The following DNAH11 variants were observed in gnomAD, a reference collection of about 807,000 sequenced individuals.
DNAH11 encodes the protein axonemal beta dynein heavy chain 11.
A neutral mutation model predicts 526.0 loss-of-function variants in DNAH11; 442 were observed. The observed-to-expected ratio is 0.84, with a 90% confidence interval of 0.78 to 0.91. The LOEUF (loss-of-function observed/expected upper bound fraction) is 0.91, where lower values mean the gene tolerates loss of function less well. Ranked by LOEUF, DNAH11 falls within the 40% of genes least tolerant of loss-of-function variation. The pLI is 0.00. For synonymous variants in DNAH11, 2,461 were observed against 1,935.9 expected (o/e 1.27, Z -7.12); for missense variants, 6,989 against 5,448.7 (o/e 1.28, Z -8.90).
At chr7:21,797,545 A>G (rs536426898) in intron 61 of DNAH11, among the ~76,000 whole-genome samples, 2 of 148,774 alleles carry the variant, frequency 1.3e-5, no homozygotes, top group Admixed American at 1.3e-4. Context: ...TAGTACATGT[A>G]CAGTTTACAT....
chr7:21,895,093 A>T, intron 79 of DNAH11, 94 bp downstream of exon 79: 1 of 1,045,660 alleles, frequency 9.6e-7, no homozygotes, highest in East Asian at 2.4e-5. Flanking sequence ...ATGCAGACGG[A>T]GCTTTGTGAC....
chr7:21,798,820 T>G (rs1788834018), intron 61 of DNAH11, among the ~76,000 whole-genome samples: 1 of 152,246 alleles, frequency 6.6e-6, no homozygotes, highest in Non-Finnish European at 1.5e-5. Flanking sequence ...AAATTAGGTT[T>G]GCAAAAATCT....
At chr7:21,645,252 C>T (rs1050688540) in intron 28 of DNAH11, among the ~76,000 whole-genome samples, 3 of 152,200 alleles carry the variant, frequency 2.0e-5, no homozygotes, top group African/African-American at 4.8e-5. Context: ...GAAGGTTGTT[C>T]AGTTCCAGCT....
chr7:21,655,420 G>T (rs915829881), intron 28 of DNAH11, among the ~76,000 whole-genome samples: 15 of 152,080 alleles, frequency 9.9e-5, no homozygotes, highest in Admixed American at 3.3e-4. Context: ...CTTTCTAATT[G>T]ACATTTTTCA....
chr7:21,571,768 A>G, intron 7 of DNAH11, 38 bp from the exon 8 acceptor site: 1 of 1,507,724 alleles, frequency 6.6e-7, no homozygotes. Context: ...TTTGCTGCTC[A>G]ATGTAGTGGA....
intron 65 of DNAH11, among the ~76,000 whole-genome samples, chr7:21,839,866 G>C (rs547769571): frequency 1.1e-3 from 161 of 152,308 alleles, no homozygotes; most frequent in Non-Finnish European, 1.3e-3. Context: ...AACAACATTT[G>C]AGAATTAGAT....
intron 30 of DNAH11, among the ~76,000 whole-genome samples, chr7:21,679,192 A>AT (rs1342032725): frequency 1.3e-5 from 2 of 152,196 alleles, no homozygotes; most frequent in Non-Finnish European, 2.9e-5. Context: ...AAAAAAAAAA[A>AT]GTCTAACACA....
At position 21,681,566 on chromosome 7, in the gene DNAH11, G is replaced by T. The variant is rs763225721; in HGVS notation, c.5349G>T (p.Leu1783=). The change falls in exon 31 of 82, where the codon CTG becomes CTT. Residue 1783 remains leucine, a synonymous_variant. Coordinates refer to ENST00000409508, the MANE Select transcript of DNAH11 (RefSeq NM_001277115.2). ...TCTAGATTTCTCAGCTGAATACACTGATTACACTTTTGCTGGGAGAACTTC... is the reference window on the plus strand; with the variant it reads ...TCTAGATTTCTCAGCTGAATACACTTATTACACTTTTGCTGGGAGAACTTC... The part of the protein sequence containing the change: ...HKKQISQLNT[L]ITLLLGELPP... 16 of 1,613,710 alleles carry T rather than the reference G, an allele frequency of 9.9e-6. No homozygotes were observed. In the Admixed American group the frequency reaches 2.5e-4, roughly 25 times the overall value.
At chr7:21,823,855 G>T (rs1275088756) in intron 65 of DNAH11, among the ~76,000 whole-genome samples, 1 of 152,128 alleles carries the variant, frequency 6.6e-6, no homozygotes, top group Admixed American at 6.5e-5. Context: ...TAAAAAGCAG[G>T]AACTCCGAGA....
intron 63 of DNAH11, among the ~76,000 whole-genome samples, chr7:21,811,725 G>A (rs1158520920): frequency 1.3e-5 from 2 of 152,174 alleles, no homozygotes; most frequent in East Asian, 1.9e-4. Flanking sequence ...CAAATTTTAT[G>A]TTAAGTATAT....
At chr7:21,880,154 CA>C (rs963887949) in intron 74 of DNAH11, among the ~76,000 whole-genome samples, 2 of 151,434 alleles carry the variant, frequency 1.3e-5, no homozygotes, top group South Asian at 2.1e-4. Flanking sequence ...ATTTCATTTT[CA>C]GCAAATGACC....
intron 25 of DNAH11, among the ~76,000 whole-genome samples, chr7:21,630,432 T>A (rs938534389): frequency 6.6e-6 from 1 of 152,238 alleles, no homozygotes; most frequent in African/African-American, 2.4e-5. Flanking sequence ...TTAAATACAT[T>A]GTTTAATGTC....
intron 57 of DNAH11, among the ~76,000 whole-genome samples, chr7:21,782,816 A>G (rs1788005911): frequency 6.6e-6 from 1 of 151,970 alleles, no homozygotes; most frequent in African/African-American, 2.4e-5. Context: ...AGGCTGAGGC[A>G]GGAGAATTGC....
intron 18 of DNAH11, among the ~76,000 whole-genome samples, chr7:21,603,852 A>T (rs374037150): frequency 1.3e-5 from 2 of 152,322 alleles, no homozygotes; most frequent in East Asian, 1.9e-4. Context: ...AGGGAAATTT[A>T]GATATGGCCT....
intron 61 of DNAH11, among the ~76,000 whole-genome samples, chr7:21,793,283 A>G (rs1788553829): frequency 1.3e-5 from 2 of 152,154 alleles, no homozygotes; most frequent in Admixed American, 1.3e-4. Context: ...TTGTGGCCTA[A>G]TATGTGGTCA....
intron 25 of DNAH11, among the ~76,000 whole-genome samples, chr7:21,635,630 A>C (rs1786826019): frequency 1.1e-5 from 1 of 92,238 alleles, no homozygotes. Context: ...AAGACATATG[A>C]GGAGATAACA....
intron 2 of DNAH11, among the ~76,000 whole-genome samples, chr7:21,546,913 A>C (rs951067575): frequency 1.1e-4 from 17 of 152,224 alleles, no homozygotes; most frequent in African/African-American, 3.9e-4. Context: ...CATAAAGAGA[A>C]ACCCCACAGT....
At chr7:21,555,472 C>T (rs1287796994) in intron 2 of DNAH11, among the ~76,000 whole-genome samples, 3 of 152,232 alleles carry the variant, frequency 2.0e-5, no homozygotes, top group Admixed American at 2.0e-4. Context: ...GTGTACTCAA[C>T]CCCCAACTAC....
chr7:21,855,506 C>G (rs752185111), intron 68 of DNAH11, among the ~76,000 whole-genome samples: 79 of 152,310 alleles, frequency 5.2e-4, no homozygotes, highest in Non-Finnish European at 9.8e-4. Flanking sequence ...TTCTTTATCC[C>G]TATTACATCT....
Sources: allele counts gnomAD v4.1 joint callset (sites outside exome capture counted in the v4.1 genomes callset), GRCh38; gene constraint gnomAD v4.1.1; transcripts MANE v1.5; gene names NCBI Gene and HGNC (gene_info 2026-07-23, HGNC 2026-07-21).